Variants in NECAB2 observed in about 807,000 individuals in gnomAD.
NECAB2 encodes the protein N-terminal EF-hand calcium binding protein 2, also known as N-terminal EF-hand calcium-binding protein 2.
Under a neutral mutation model 51.9 loss-of-function variants are expected in NECAB2, and 68 were observed. That is an observed-to-expected ratio of 1.31 (90% CI 1.08 to 1.60). The LOEUF is 1.60. Among genes scored for constraint, NECAB2 ranks in the 40% most tolerant of loss-of-function variants. The pLI is 0.00. For missense variants in NECAB2, 854 were observed against 490.3 expected (o/e 1.74, Z -7.00); for synonymous variants, 329 against 203.5 (o/e 1.62, Z -5.25).
At chr16:84,002,055 C>G (rs2151105066) in intron 12 of NECAB2, 139 bp downstream of exon 12, 1 of 1,112,040 alleles carries the variant, frequency 9.0e-7, no homozygotes, top group Non-Finnish European at 1.3e-6. Context: ...ATGCCAGGCT[C>G]AGAGCCAGCC....
chr16:83,966,135 C>A (rs750671183), upstream of NECAB2: 4 of 753,978 alleles, frequency 5.3e-6, no homozygotes, highest in Admixed American at 9.0e-5. Flanking sequence ...CCTTTGGGGT[C>A]AAGAGGAGTA....
At chr16:84,001,516 A>T (rs1484505524) in intron 11 of NECAB2, among the ~76,000 whole-genome samples, 3 of 152,062 alleles carry the variant, frequency 2.0e-5, no homozygotes, top group African/African-American at 7.3e-5. Flanking sequence ...CTGTGTTGTC[A>T]TGGGTCCCAG....
chr16:83,993,175 G>T (rs79800422), intron 6 of NECAB2, among the ~76,000 whole-genome samples: 2,065 of 152,236 alleles, frequency 0.014, 51 homozygotes, highest in East Asian at 0.069. Flanking sequence ...CCAGCCCCAG[G>T]ACAGTCTCCC....
At chr16:83,972,092 C>G in intron 1 of NECAB2, 59 bp from the exon 2 acceptor site, 1 of 1,606,778 alleles carries the variant, frequency 6.2e-7, no homozygotes. Flanking sequence ...CGGTCAGAGG[C>G]TGCAGGAAGC....
chr16:83,981,342 C>T (rs928098484), intron 5 of NECAB2, among the ~76,000 whole-genome samples: 7 of 152,046 alleles, frequency 4.6e-5, no homozygotes, highest in African/African-American at 1.7e-4. Context: ...GAGGCATTTT[C>T]CCGGAATCAG....
chr16:83,999,701 T>G (rs1233600189), intron 10 of NECAB2, among the ~76,000 whole-genome samples: 5 of 152,040 alleles, frequency 3.3e-5, no homozygotes, highest in African/African-American at 1.2e-4. Flanking sequence ...TGCGGGCCCC[T>G]GGGTCCCATA....
At chr16:83,996,289 C>G (rs1489505576) in intron 8 of NECAB2, among the ~76,000 whole-genome samples, 1 of 152,228 alleles carries the variant, frequency 6.6e-6, no homozygotes. Context: ...ACCTTCACCA[C>G]TTACCAAGGC....
chr16:84,002,219 C>T lies in NECAB2; in HGVS notation c.1133-99C>T, dbSNP rs185670038. 151 of 1,462,522 alleles carry T rather than the reference C, an allele frequency of 1.0e-4. 2 individuals are homozygous for T. The African/African-American group carries it at 1.8e-3, about 18-fold the overall frequency. 90.6% of individuals were successfully genotyped at this position (1,462,522 alleles called of 1,614,324 possible). ...AGGACCTGTGTGTCACACAAGGACT[C>T]AAAGCCATCCCCCGACCTGTCATTC... On this transcript the variant is annotated intron_variant, in intron 12 of 12. Transcript: ENST00000305202.
rs1428132059 is a variant in NECAB2, at chr16:84,002,481, TGTTAA to T, written c.*138_*142del. The T allele has an allele frequency of 1.4e-5, 17 of 1,258,964 alleles. No homozygotes were observed. The highest frequency in any genetic ancestry group is 1.9e-5 in the Non-Finnish European group (17 of 878,374). 78.0% of individuals were successfully genotyped at this position (1,258,964 alleles called of 1,614,324 possible). The stretch of plus-strand genomic sequence containing the variant: ...CCTCCACAAGAAGGTGTTTCCCTGT[TGTTAA>T]GTGAAGGAGGCCGCCCCTGCCCCCA... On this transcript the variant is annotated 3_prime_UTR_variant, in exon 13 of 13. Transcript: ENST00000305202.
intron 10 of NECAB2, 115 bp downstream of exon 10, chr16:83,998,432 A>G (rs561464561): frequency 3.2e-6 from 3 of 946,362 alleles, no homozygotes; most frequent in Non-Finnish European, 1.6e-6. Flanking sequence ...CCCCAGGGAC[A>G]CACACAGCTG....
chr16:83,999,912 G>T (rs1488060955), intron 10 of NECAB2, among the ~76,000 whole-genome samples: 9 of 150,686 alleles, frequency 6.0e-5, no homozygotes, highest in Admixed American at 5.9e-4. Flanking sequence ...ACCAAATCTT[G>T]CTTTATTGTC....
intron 5 of NECAB2, among the ~76,000 whole-genome samples, chr16:83,986,048 C>G (rs938374468): frequency 2.6e-5 from 4 of 152,068 alleles, no homozygotes; most frequent in African/African-American, 9.7e-5. Context: ...CGGAGTTTCT[C>G]TTTCGTTGCC....
At chr16:83,979,804 G>T (rs2084461261) in intron 3 of NECAB2, among the ~76,000 whole-genome samples, 1 of 152,152 alleles carries the variant, frequency 6.6e-6, no homozygotes, top group Non-Finnish European at 1.5e-5. Flanking sequence ...GCTCTATAAA[G>T]ACTTTTAGGA....
At chr16:83,976,153 C>A (rs918070486) in intron 2 of NECAB2, among the ~76,000 whole-genome samples, 1 of 152,166 alleles carries the variant, frequency 6.6e-6, no homozygotes, top group African/African-American at 2.4e-5. Context: ...GCTCACAACC[C>A]CTGTCATGCC....
At chr16:83,968,093 A>T (rs1255362818), upstream of NECAB2, among the ~76,000 whole-genome samples, 4 of 151,466 alleles carry the variant, frequency 2.6e-5, no homozygotes, top group African/African-American at 9.7e-5. Flanking sequence ...GCGTTTTGTA[A>T]CCAAGGGGGC....
At chr16:83,983,509 C>T (rs193007447) in intron 5 of NECAB2, among the ~76,000 whole-genome samples, 1 of 152,266 alleles carries the variant, frequency 6.6e-6, no homozygotes, top group East Asian at 1.9e-4. Context: ...AATATTTTTG[C>T]ATTCCCTTTT....
intron 3 of NECAB2, among the ~76,000 whole-genome samples, chr16:83,980,282 GC>G (rs112248665): frequency 2.6e-5 from 4 of 152,180 alleles, no homozygotes; most frequent in Admixed American, 6.5e-5. Context: ...TTATCTTGGG[GC>G]CGGTCTGTGC....
chr16:83,997,176 G>T, intron 8 of NECAB2, 40 bp from the exon 9 acceptor site: 3 of 1,613,586 alleles, frequency 1.9e-6, no homozygotes, highest in Non-Finnish European at 2.5e-6. Flanking sequence ...GGCGGAGTGG[G>T]GCTCTGGGTC....
At position 83,994,662 on chromosome 16, in the gene NECAB2, G is replaced by T; in HGVS notation, c.769G>T (p.Glu257Ter). 6.2e-7 allele frequency: 1 copy of T among 1,614,126 alleles called. No homozygotes were observed. The highest frequency in any genetic ancestry group is 8.5e-7 in the Non-Finnish European group (1 of 1,180,038). The change falls in exon 8 of 13, where the codon GAG becomes TAG. Residue 257 changes from glutamate to a stop codon, truncating the protein, a stop_gained. Coordinates refer to ENST00000305202, the MANE Select transcript of NECAB2 (RefSeq NM_019065.3). LOFTEE classifies it high-confidence loss of function. ...GGAAGCCCAGATCAGCCGCTTGGCAGAGCTGATTGGGAGGCTGGAGAGCAA... is the reference window on the plus strand; with the variant it reads ...GGAAGCCCAGATCAGCCGCTTGGCATAGCTGATTGGGAGGCTGGAGAGCAA... Reference protein sequence around the residue: ...GLEAQISRLAELIGRLESKAL... With the variant: ...GLEAQISRLA
Sources: allele counts gnomAD v4.1 joint callset (sites outside exome capture counted in the v4.1 genomes callset), GRCh38; gene constraint gnomAD v4.1.1; transcripts MANE v1.5; gene names NCBI Gene and HGNC (gene_info 2026-07-23, HGNC 2026-07-21).